Variants in ZNF475 observed in about 807,000 individuals in gnomAD.
ZNF475 encodes zinc finger protein 475.
At chr5:122,182,326 G>C in the ZNF475 span, among the ~76,000 whole-genome samples, 1 of 152,088 alleles carries the variant, frequency 6.6e-6, no homozygotes, top group Admixed American at 6.5e-5. Flanking sequence ...AATATGATTT[G>C]TTTAAAATAC....
the ZNF475 span, among the ~76,000 whole-genome samples, chr5:122,174,889 TA>T: frequency 6.6e-6 from 1 of 152,186 alleles, no homozygotes; most frequent in Non-Finnish European, 1.5e-5. Flanking sequence ...ATAAACATGT[TA>T]AAAAAATAGT....
chr5:122,176,620 T>C, the ZNF475 span, among the ~76,000 whole-genome samples: 5 of 152,226 alleles, frequency 3.3e-5, no homozygotes, highest in Non-Finnish European at 5.9e-5. Flanking sequence ...GTGTAAGACA[T>C]GGTGGGTAGG....
At chr5:122,182,297 CT>C in the ZNF475 span, among the ~76,000 whole-genome samples, 1 of 152,226 alleles carries the variant, frequency 6.6e-6, no homozygotes, top group Middle Eastern at 3.4e-3. Flanking sequence ...GCAGCCCTTT[CT>C]TTTTTGGAGG....
chr5:122,174,706 C>T, the ZNF475 span, among the ~76,000 whole-genome samples: 9 of 152,138 alleles, frequency 5.9e-5, no homozygotes, highest in African/African-American at 1.4e-4. Flanking sequence ...GACGGTGACA[C>T]GAATGTCTTC....
At chr5:122,176,899 C>G in the ZNF475 span, among the ~76,000 whole-genome samples, 1 of 152,262 alleles carries the variant, frequency 6.6e-6, no homozygotes, top group African/African-American at 2.4e-5. Flanking sequence ...AGCAATGATT[C>G]TTGTCCTTTT....
At chr5:122,181,920 A>G in the ZNF475 span, among the ~76,000 whole-genome samples, 1 of 152,216 alleles carries the variant, frequency 6.6e-6, no homozygotes, top group African/African-American at 2.4e-5. Flanking sequence ...TGTATTCTCC[A>G]CTTTGATTAC....
chr5:122,166,765 T>A, the ZNF475 span, among the ~76,000 whole-genome samples: 1 of 152,182 alleles, frequency 6.6e-6, no homozygotes, highest in Non-Finnish European at 1.5e-5. Flanking sequence ...TGGTTCCAAG[T>A]CTTTGCTATT....
chr5:122,171,762 A>G, the ZNF475 span, among the ~76,000 whole-genome samples: 1 of 150,668 alleles, frequency 6.6e-6, no homozygotes, highest in Non-Finnish European at 1.5e-5. Flanking sequence ...TTTTTGAGAC[A>G]GGGTCTCACA....
At chr5:122,167,048 G>A in the ZNF475 span, among the ~76,000 whole-genome samples, 1 of 152,170 alleles carries the variant, frequency 6.6e-6, no homozygotes, top group African/African-American at 2.4e-5. Context: ...GAGTTTTTAT[G>A]GTTTTAGGTC....
chr5:122,168,625 A>C, the ZNF475 span, among the ~76,000 whole-genome samples: 11 of 152,184 alleles, frequency 7.2e-5, no homozygotes, highest in African/African-American at 2.7e-4. Context: ...AGGCAGGAGA[A>C]TGGCGTGAAC....
the ZNF475 span, among the ~76,000 whole-genome samples, chr5:122,167,566 G>A: frequency 2.0e-5 from 3 of 152,136 alleles, no homozygotes; most frequent in Non-Finnish European, 4.4e-5. Flanking sequence ...GTGTACTGCT[G>A]ACTTTTAACT....
chr5:122,177,815 A>G, the ZNF475 span, among the ~76,000 whole-genome samples: 1 of 152,098 alleles, frequency 6.6e-6, no homozygotes, highest in Non-Finnish European at 1.5e-5. Context: ...TTACATAGGT[A>G]TACACGTGCT....
At chr5:122,171,674 A>T in the ZNF475 span, among the ~76,000 whole-genome samples, 39 of 152,126 alleles carry the variant, frequency 2.6e-4, no homozygotes, top group African/African-American at 9.4e-4. Context: ...ATTTAATGTC[A>T]TTAACTTATT....
At chr5:122,182,290 G>T in the ZNF475 span, among the ~76,000 whole-genome samples, 1 of 152,116 alleles carries the variant, frequency 6.6e-6, no homozygotes, top group African/African-American at 2.4e-5. Flanking sequence ...AGAGCGAGCA[G>T]CCCTTTCTTT....
chr5:122,181,526 G>A, the ZNF475 span, among the ~76,000 whole-genome samples: 1 of 152,162 alleles, frequency 6.6e-6, no homozygotes, highest in African/African-American at 2.4e-5. Context: ...CATGGAGCAA[G>A]AAAGTGAGTA....
the ZNF475 span, among the ~76,000 whole-genome samples, chr5:122,178,033 T>A: frequency 6.6e-6 from 1 of 152,118 alleles, no homozygotes; most frequent in Non-Finnish European, 1.5e-5. Flanking sequence ...CTGACAATGG[T>A]GGTTTCCAGT....
the ZNF475 span, among the ~76,000 whole-genome samples, chr5:122,171,006 A>G: frequency 3.9e-5 from 6 of 152,340 alleles, no homozygotes; most frequent in Middle Eastern, 3.4e-3. Context: ...AAGTAGGTGC[A>G]GAGACCAAAT....
chr5:122,175,417 C>G, the ZNF475 span, among the ~76,000 whole-genome samples: 1 of 152,158 alleles, frequency 6.6e-6, no homozygotes, highest in Non-Finnish European at 1.5e-5. Context: ...CCACCTGGTG[C>G]TACTAAAGAG....
the ZNF475 span, among the ~76,000 whole-genome samples, chr5:122,181,028 A>G: frequency 5.9e-5 from 9 of 152,102 alleles, no homozygotes; most frequent in Non-Finnish European, 8.8e-5. Flanking sequence ...CTGCTTGACC[A>G]TAACTACCAG....
Sources: allele counts gnomAD v4.1 joint callset (sites outside exome capture counted in the v4.1 genomes callset), GRCh38; gene constraint gnomAD v4.1.1; transcripts MANE v1.5; gene names NCBI Gene and HGNC (gene_info 2026-07-23, HGNC 2026-07-21).